The following SHB variants were observed in gnomAD, a reference collection of about 807,000 sequenced individuals.
SHB encodes SH2 domain-containing adapter protein B.
SHB carries 20 observed loss-of-function variants against 52.3 expected under a neutral mutation model. That is an observed-to-expected ratio of 0.38 (90% CI 0.27 to 0.56). The LOEUF (loss-of-function observed/expected upper bound fraction) is 0.56. Among genes scored for constraint, SHB ranks in the 20% least tolerant of loss-of-function variants. SHB has a pLI of 0.71. For synonymous variants in SHB, 397 were observed against 316.5 expected, an observed-to-expected ratio of 1.25 and a Z score of -2.70; for missense variants, 825 against 723.3, an observed-to-expected ratio of 1.14 and a Z score of -1.61.
Position 38,005,463 on chromosome 9 carries a change from C to T in SHB, c.838+10548G>A, listed in dbSNP as rs73437962. ...TGAACCTGAGGCACCGGCTACATTG[C>T]CGCCACCAAGGGAGGACTCAGACCT... On this transcript the variant is annotated intron_variant, in intron 2 of 5. Transcript: ENST00000377707. 8.7e-3 allele frequency among the ~76,000 whole-genome samples: 1,322 copies of T among 152,292 alleles called. 20 individuals are homozygous for T. The highest frequency in any genetic ancestry group is 0.03 in the African/African-American group (1,231 of 41,552).
intron 1 of SHB, among the ~76,000 whole-genome samples, chr9:38,021,331 ACT>A (rs949935014): frequency 6.7e-6 from 1 of 148,474 alleles, no homozygotes; most frequent in Non-Finnish European, 1.5e-5. Context: ...TAAGAGCGAA[ACT>A]CTGTCTCAAA....
At chr9:38,041,015 T>C (rs1220839760) in intron 1 of SHB, among the ~76,000 whole-genome samples, 1 of 151,842 alleles carries the variant, frequency 6.6e-6, no homozygotes, top group Non-Finnish European at 1.5e-5. Context: ...GTGCACCTGG[T>C]GGGACTCAAG....
chr9:37,974,133 G>A (rs1820624737), intron 3 of SHB, among the ~76,000 whole-genome samples: 1 of 152,136 alleles, frequency 6.6e-6, no homozygotes, highest in South Asian at 2.1e-4. Context: ...GCAGGCACCT[G>A]TAATCCCAGC....
At chr9:37,956,604 A>G (rs933792288) in intron 3 of SHB, among the ~76,000 whole-genome samples, 2 of 152,196 alleles carry the variant, frequency 1.3e-5, no homozygotes, top group African/African-American at 2.4e-5. Context: ...GTGAGGCTAA[A>G]GCAGTGCCCA....
At chr9:38,031,082 G>A (rs2118114061) in intron 1 of SHB, among the ~76,000 whole-genome samples, 1 of 152,344 alleles carries the variant, frequency 6.6e-6, no homozygotes, top group African/African-American at 2.4e-5. Flanking sequence ...AGCACTTTGG[G>A]AAGCCAAGGT....
chr9:37,965,387 A>T (rs549254843), intron 3 of SHB, among the ~76,000 whole-genome samples: 34 of 152,218 alleles, frequency 2.2e-4, no homozygotes, highest in Non-Finnish European at 4.0e-4. Context: ...GGTGGCAGCC[A>T]CAGCAGTCAA....
At chr9:37,920,462 G>A (rs920761593) in intron 5 of SHB, among the ~76,000 whole-genome samples, 3 of 152,180 alleles carry the variant, frequency 2.0e-5, no homozygotes, top group Non-Finnish European at 4.4e-5. Context: ...CCAGTTTCCA[G>A]AGGAGGAAAC....
At chr9:37,955,821 AAGAG>A in intron 4 of SHB, 58 bp downstream of exon 4, 1 of 1,515,166 alleles carries the variant, frequency 6.6e-7, no homozygotes, top group Non-Finnish European at 9.1e-7. Context: ...GATGACATGA[AAGAG>A]AGGGCAAAAA....
In SHB at chr9:37,984,475, G is replaced by T. The variant is rs529363352; in HGVS notation, c.839-9638C>A. ...CTAGTCACCCCATTTTATAGATGGG[G>T]AAACTGAGGTCAGGGGAAGGGAAGA... On this transcript the variant is annotated intron_variant, in intron 2 of 5. Transcript: ENST00000377707. Among the ~76,000 whole-genome samples, 21 of 152,346 alleles carry T rather than the reference G, an allele frequency of 1.4e-4. No individual in the cohort carries two copies. In the South Asian group the frequency reaches 3.7e-3, roughly 27 times the overall value.
At chr9:38,022,101 T>A (rs145621014) in intron 1 of SHB, among the ~76,000 whole-genome samples, 1 of 152,320 alleles carries the variant, frequency 6.6e-6, no homozygotes, top group African/African-American at 2.4e-5. Context: ...TGATTCACCT[T>A]TAAGACTATA....
chr9:38,044,870 G>C (rs905796065), intron 1 of SHB, among the ~76,000 whole-genome samples: 1 of 152,242 alleles, frequency 6.6e-6, no homozygotes, highest in African/African-American at 2.4e-5. Context: ...GGCTCTCCAG[G>C]AGCCATGACA....
At chr9:37,954,039 T>A (rs947010078) in intron 4 of SHB, among the ~76,000 whole-genome samples, 3 of 152,198 alleles carry the variant, frequency 2.0e-5, no homozygotes, top group Admixed American at 2.0e-4. Flanking sequence ...GGGCCCAGAC[T>A]GACCCAGGCA....
In SHB at chr9:37,916,334, T is replaced by C. The variant is rs1832098041; in HGVS notation, c.*3487A>G. Among the ~76,000 whole-genome samples, 1 of 152,266 alleles carries C rather than the reference T, an allele frequency of 6.6e-6. No individual in the cohort carries two copies. The highest frequency in any genetic ancestry group is 2.4e-5 in the African/African-American group (1 of 41,480). The stretch of plus-strand genomic sequence containing the variant: ...CAGCCTGCTCTGCTGGCAGGGCTTC[T>C]ACCTGCACAGTCCCTAGGGCTGCAA... On this transcript the variant is annotated 3_prime_UTR_variant, in exon 6 of 6. Coordinates refer to ENST00000377707, the MANE Select transcript of SHB (RefSeq NM_003028.3).
intron 2 of SHB, among the ~76,000 whole-genome samples, chr9:38,013,535 C>T (rs1397236307): frequency 5.3e-5 from 8 of 152,180 alleles, no homozygotes; most frequent in Non-Finnish European, 7.3e-5. Flanking sequence ...GCCTGGGAGG[C>T]GAAGGTTGCA....
chr9:37,992,312 A>C (rs1204096298), intron 2 of SHB, among the ~76,000 whole-genome samples: 1 of 152,142 alleles, frequency 6.6e-6, no homozygotes, highest in Non-Finnish European at 1.5e-5. Flanking sequence ...GAGGCAGGAG[A>C]ATCACTTCAA....
chr9:38,045,318 C>T (rs573625587), intron 1 of SHB, among the ~76,000 whole-genome samples: 49 of 152,290 alleles, frequency 3.2e-4, no homozygotes, highest in African/African-American at 1.1e-3. Context: ...AAAGCCACAA[C>T]GACCAGGTGC....
rs1822026523 is a variant in SHB at position 38,069,197 on chromosome 9, GCC to G, written c.-554_-553del. ...CGCCCGCCGGAGCCCGCGCGCCCGT[GCC>G]CGTCCCGGCGGCGCCTGTCGCTGCC... On this transcript the variant is annotated 5_prime_UTR_variant, in exon 1 of 6. Transcript: ENST00000377707. 1 of 148,574 alleles carries G rather than the reference GCC, an allele frequency of 6.7e-6. No homozygotes were observed. Among genetic ancestry groups the G allele is most frequent in the African/African-American group, 2.5e-5 (1 of 40,296 alleles). The allele number at this position is 148,574 out of a possible 1,614,324, so 9.2% of individuals were successfully genotyped here. A position where few individuals can be genotyped will look rare whatever the true frequency, so the allele number is the denominator to read the frequency against.
chr9:38,033,572 G>C (rs947086942), intron 1 of SHB, among the ~76,000 whole-genome samples: 5 of 152,202 alleles, frequency 3.3e-5, no homozygotes, highest in African/African-American at 1.2e-4. Flanking sequence ...AATCATTTCG[G>C]AAGGGCTTGG....
chr9:37,991,871 G>A (rs1564096268), intron 2 of SHB, among the ~76,000 whole-genome samples: 1 of 152,204 alleles, frequency 6.6e-6, no homozygotes, highest in African/African-American at 2.4e-5. Flanking sequence ...TGTCAGAAGA[G>A]GCTACGCCTC....
Sources: allele counts gnomAD v4.1 joint callset (sites outside exome capture counted in the v4.1 genomes callset), GRCh38; gene constraint gnomAD v4.1.1; transcripts MANE v1.5; gene names NCBI Gene and HGNC (gene_info 2026-07-23, HGNC 2026-07-21).